XAF1: variants seen among roughly 807,000 people sequenced by gnomAD.
The protein encoded by XAF1 is XIAP associated factor 1, also known as XIAP-associated factor 1.
XAF1 carries 32 observed loss-of-function variants against 32.3 expected under a neutral mutation model. The ratio of observed to expected loss-of-function variants is 0.99; its 90% CI spans 0.75 to 1.33. The LOEUF (loss-of-function observed/expected upper bound fraction) is 1.33. Ranked by LOEUF, XAF1 falls within the 40% of genes most tolerant of loss-of-function variation. The probability of loss-of-function intolerance (pLI) is 0.00; values close to 1 mark genes in which losing one functional copy is unlikely to be tolerated. For missense variants in XAF1, 379 were observed against 366.0 expected, an observed-to-expected ratio of 1.04 and a Z score of -0.29; for synonymous variants, 120 against 125.9, an observed-to-expected ratio of 0.95 and a Z score of 0.31.
At chr17:6,772,316 T>A (rs1302230990) in intron 6 of XAF1, among the ~76,000 whole-genome samples, 1 of 152,158 alleles carries the variant, frequency 6.6e-6, no homozygotes, top group African/African-American at 2.4e-5. Context: ...TTCCATGCAA[T>A]GATTGTTTTG....
intron 4 of XAF1, among the ~76,000 whole-genome samples, chr17:6,761,453 A>G (rs1975199873): frequency 6.6e-6 from 1 of 152,054 alleles, no homozygotes; most frequent in Admixed American, 6.5e-5. Flanking sequence ...CACTTGAATC[A>G]CTCACCTCTT....
At chr17:6,761,245 A>T (rs1424474311) in intron 4 of XAF1, among the ~76,000 whole-genome samples, 1 of 152,204 alleles carries the variant, frequency 6.6e-6, no homozygotes, top group Non-Finnish European at 1.5e-5. Flanking sequence ...GCAGAGATCC[A>T]TTGCATCCTT....
At chr17:6,768,840 C>G (rs1975810252) in intron 5 of XAF1, among the ~76,000 whole-genome samples, 1 of 152,096 alleles carries the variant, frequency 6.6e-6, no homozygotes, top group Non-Finnish European at 1.5e-5. Flanking sequence ...GAACAATGTA[C>G]TCAAATGTGT....
At chr17:6,771,251 C>A (rs1054708308) in intron 6 of XAF1, 1 of 375,646 alleles carries the variant, frequency 2.7e-6, no homozygotes. Context: ...TCTCCAGCTT[C>A]TAGGCCAGGG....
intron 4 of XAF1, among the ~76,000 whole-genome samples, chr17:6,761,311 T>C (rs1227256239): frequency 6.6e-6 from 1 of 152,126 alleles, no homozygotes; most frequent in Non-Finnish European, 1.5e-5. Context: ...GAGGCAAAAA[T>C]AAGACTGGAC....
rs1373721301 is a variant in XAF1 at position 6,773,335 on chromosome 17, T to A, written c.*166T>A. 2 of 560,290 alleles carry A rather than the reference T, an allele frequency of 3.6e-6. No homozygotes were observed. Among genetic ancestry groups the A allele is most frequent in the African/African-American group, 4.0e-5 (2 of 50,428 alleles). 34.7% of individuals were successfully genotyped at this position (560,290 alleles called of 1,614,324 possible). ...AAACAAAACTCACGTATCATCTCAA[T>A]AGATACAGAAAAGGCTTTTGATAAA... On this transcript the variant is annotated 3_prime_UTR_variant, in exon 7 of 7. Transcript: ENST00000361842.
chr17:6,763,461 G>C (rs1011657528), intron 5 of XAF1, among the ~76,000 whole-genome samples: 2 of 152,208 alleles, frequency 1.3e-5, no homozygotes, highest in Admixed American at 1.3e-4. Context: ...CGGAGTAGCT[G>C]GGGCTACAGG....
Position 6,760,693 on chromosome 17 carries a change from G to T in XAF1, c.421+92G>T, listed in dbSNP as rs185731693. Reference sequence around the variant, plus strand: ...AAGGAAGGGAAGCTCTCAACAGGACGGATGACAAGTGTATTTGCTGTATAG... The same window carrying T: ...AAGGAAGGGAAGCTCTCAACAGGACTGATGACAAGTGTATTTGCTGTATAG... On this transcript the variant is annotated intron_variant, in intron 4 of 6. Coordinates refer to ENST00000361842, the MANE Select transcript of XAF1 (RefSeq NM_017523.5). 6.3e-6 allele frequency: 8 copies of T among 1,268,274 alleles called. No individual in the cohort carries two copies. In the East Asian group the frequency reaches 1.7e-4, roughly 27 times the overall value. 78.6% of individuals were successfully genotyped at this position (1,268,274 alleles called of 1,614,324 possible).
At chr17:6,764,755 T>C (rs527309420) in intron 5 of XAF1, among the ~76,000 whole-genome samples, 1 of 152,314 alleles carries the variant, frequency 6.6e-6, no homozygotes, top group African/African-American at 2.4e-5. Context: ...TTTGAGCTAG[T>C]TGTCTATAAG....
Position 6,770,898 on chromosome 17 carries a change from A to G in XAF1, c.763A>G (p.Arg255Gly). Residue 255 changes from arginine to glycine, a missense_variant, in exon 6 of 7, where the codon AGA (arginine) becomes GGA (glycine). Coordinates refer to ENST00000361842, the MANE Select transcript of XAF1 (RefSeq NM_017523.5). ...SEPKPRTSSPRGDKAAYDILR... is the reference protein window; with the variant it reads ...SEPKPRTSSPGGDKAAYDILR... Reference sequence around the variant, plus strand: ...GCCCAAGCCCAGGACCAGCTCCCCTAGAGGAGATAAAGCAGCCTATGACAT... The same window carrying G: ...GCCCAAGCCCAGGACCAGCTCCCCTGGAGGAGATAAAGCAGCCTATGACAT... The G allele has an allele frequency of 1.2e-6, 2 of 1,613,988 alleles. No homozygotes were observed. The highest frequency in any genetic ancestry group is 1.7e-6 in the Non-Finnish European group (2 of 1,180,022).
At chr17:6,762,960 G>A (rs532113930) in intron 5 of XAF1, among the ~76,000 whole-genome samples, 15 of 152,270 alleles carry the variant, frequency 9.9e-5, no homozygotes, top group African/African-American at 3.1e-4. Context: ...CCAGCTTTTC[G>A]CTCTTTTCTT....
chr17:6,768,418 C>T (rs190392494), intron 5 of XAF1, among the ~76,000 whole-genome samples: 24 of 152,226 alleles, frequency 1.6e-4, no homozygotes, highest in East Asian at 1.2e-3. Flanking sequence ...CTACTGTGCC[C>T]GGCTGGATAT....
At chr17:6,772,504 T>C (rs1364855565) in intron 6 of XAF1, among the ~76,000 whole-genome samples, 3 of 132,340 alleles carry the variant, frequency 2.3e-5, no homozygotes, top group Admixed American at 1.8e-4. Flanking sequence ...AGAGTCTCGC[T>C]CTGTCACCCA....
chr17:6,769,796 T>C (rs1331383112), intron 5 of XAF1, among the ~76,000 whole-genome samples: 1 of 152,144 alleles, frequency 6.6e-6, no homozygotes, highest in East Asian at 1.9e-4. Context: ...CCAAAGTAAA[T>C]CCTAATCCCA....
At chr17:6,762,281 C>A (rs1287140228) in intron 5 of XAF1, 41 bp downstream of exon 5, 4 of 1,512,062 alleles carry the variant, frequency 2.6e-6, no homozygotes, top group South Asian at 1.2e-5. Flanking sequence ...GCCAATAGTT[C>A]ATCCACATTC....
intron 5 of XAF1, among the ~76,000 whole-genome samples, chr17:6,762,791 T>G (rs1975320246): frequency 6.6e-6 from 1 of 152,180 alleles, no homozygotes; most frequent in East Asian, 1.9e-4. Context: ...TGCTCCCTTC[T>G]TTTGCACAGA....
chr17:6,767,113 G>T (rs989480046), intron 5 of XAF1, among the ~76,000 whole-genome samples: 4 of 151,982 alleles, frequency 2.6e-5, no homozygotes, highest in Admixed American at 1.3e-4. Context: ...TTACAATTCT[G>T]ATTTGGCCAC....
rs1303984733 is a variant in XAF1 at position 6,773,099 on chromosome 17, T to A, written c.850-14T>A. 1 of 1,600,998 alleles carries A rather than the reference T, an allele frequency of 6.2e-7. No individual in the cohort carries two copies. The highest frequency in any genetic ancestry group is 1.8e-5 in the Admixed American group (1 of 56,380). ...CTTTAACCATATCAAACTTTTTTTA[T>A]ATCCATTTCTTAGGAGAAATGCCGG... On this transcript the variant is annotated splice_polypyrimidine_tract_variant and intron_variant, in intron 6 of 6. Transcript: ENST00000361842.
At chr17:6,755,502 T>C (rs1266510919), upstream of XAF1, 1 of 987,970 alleles carries the variant, frequency 1.0e-6, no homozygotes, top group Non-Finnish European at 1.2e-6. Flanking sequence ...CTGGAAAAAC[T>C]CTAAGGACCC....
Sources: allele counts gnomAD v4.1 joint callset (sites outside exome capture counted in the v4.1 genomes callset), GRCh38; gene constraint gnomAD v4.1.1; transcripts MANE v1.5; gene names NCBI Gene and HGNC (gene_info 2026-07-23, HGNC 2026-07-21).